Variants in PHACTR1 observed in about 807,000 individuals in gnomAD.
PHACTR1 encodes RPEL repeat containing 1.
A neutral mutation model predicts 69.2 loss-of-function variants in PHACTR1; 16 were observed. That is an observed-to-expected ratio of 0.23 (90% confidence interval 0.16 to 0.35). The LOEUF (loss-of-function observed/expected upper bound fraction) is 0.35. PHACTR1 is among the 10% of genes least tolerant of loss of function. The probability of loss-of-function intolerance (pLI) is 1.00; values close to 1 mark genes in which losing one functional copy is unlikely to be tolerated. For missense variants in PHACTR1, 510 were observed against 734.7 expected, an observed-to-expected ratio of 0.69 and a Z score of 3.54; for synonymous variants, 312 against 284.5, an observed-to-expected ratio of 1.10 and a Z score of -0.97.
intron 4 of PHACTR1, among the ~76,000 whole-genome samples, chr6:13,041,710 G>A (rs903165142): frequency 6.6e-6 from 1 of 152,182 alleles, no homozygotes; most frequent in African/African-American, 2.4e-5. Flanking sequence ...AAAATGTCCA[G>A]GAGTGTATTA....
At chr6:13,193,593 G>T (rs1763932803) in intron 7 of PHACTR1, among the ~76,000 whole-genome samples, 1 of 151,418 alleles carries the variant, frequency 6.6e-6, no homozygotes, top group South Asian at 2.1e-4. Flanking sequence ...TCTCGATGTT[G>T]CCCAGACTGA....
At chr6:12,849,337 G>C (rs554287925) in intron 4 of PHACTR1, among the ~76,000 whole-genome samples, 1 of 152,072 alleles carries the variant, frequency 6.6e-6, no homozygotes, top group East Asian at 1.9e-4. Context: ...CCAGACCTTC[G>C]TTTCCTTGTA....
At chr6:12,746,178 CAAA>C (rs1229870989) in intron 3 of PHACTR1, among the ~76,000 whole-genome samples, 1 of 152,008 alleles carries the variant, frequency 6.6e-6, no homozygotes, top group East Asian at 1.9e-4. Context: ...AGATGAAAGA[CAAA>C]GAAAGTAAAT....
rs1772630691 is a variant in PHACTR1 at position 12,793,779 on chromosome 6, T to A, written c.250+43989T>A. Among the ~76,000 whole-genome samples the A allele has an allele frequency of 2.0e-5, 3 of 152,330 alleles. No individual in the cohort carries two copies. In the South Asian group the frequency reaches 6.2e-4, roughly 32 times the overall value. ...TCAGCCTTTTGAAATAGACTCATGTTTCTGTTTTCTTTAATGAGTCATCAG... is the reference window on the plus strand; with the variant it reads ...TCAGCCTTTTGAAATAGACTCATGTATCTGTTTTCTTTAATGAGTCATCAG... On this transcript the variant is annotated intron_variant, in intron 4 of 14. Transcript: ENST00000332995.
intron 4 of PHACTR1, among the ~76,000 whole-genome samples, chr6:12,797,124 C>T (rs1218109078): frequency 6.6e-6 from 1 of 151,702 alleles, no homozygotes; most frequent in Non-Finnish European, 1.5e-5. Context: ...TGAGGCCTTC[C>T]AGGAGTAATG....
chr6:12,948,193 G>A (rs781291648), intron 4 of PHACTR1, among the ~76,000 whole-genome samples: 16 of 152,222 alleles, frequency 1.1e-4, no homozygotes, highest in Non-Finnish European at 1.9e-4. Context: ...TGAGACAGTT[G>A]AAAACACCTA....
At chr6:13,253,919 G>C (rs979827925) in intron 10 of PHACTR1, among the ~76,000 whole-genome samples, 2 of 152,210 alleles carry the variant, frequency 1.3e-5, no homozygotes, top group African/African-American at 4.8e-5. Context: ...ACTTGATTTG[G>C]GGCACACATT....
At chr6:13,077,421 C>A (rs1810688672) in intron 5 of PHACTR1, among the ~76,000 whole-genome samples, 1 of 152,058 alleles carries the variant, frequency 6.6e-6, no homozygotes, top group South Asian at 2.1e-4. Flanking sequence ...TGCAGAATGG[C>A]CAGGATTTTG....
chr6:13,011,963 T>A (rs1799497133), intron 4 of PHACTR1, among the ~76,000 whole-genome samples: 1 of 152,178 alleles, frequency 6.6e-6, no homozygotes, highest in African/African-American at 2.4e-5. Context: ...GTGACATGAA[T>A]CTGACATGAG....
At chr6:13,052,784 G>C (rs374617267) in intron 4 of PHACTR1, among the ~76,000 whole-genome samples, 1 of 152,120 alleles carries the variant, frequency 6.6e-6, no homozygotes, top group South Asian at 2.1e-4. Flanking sequence ...AATTCTAATG[G>C]AAGTGTGAGT....
intron 4 of PHACTR1, among the ~76,000 whole-genome samples, chr6:12,862,783 C>T (rs567140931): frequency 1.3e-5 from 2 of 152,218 alleles, no homozygotes; most frequent in Non-Finnish European, 2.9e-5. Context: ...TATCTCCATG[C>T]ACCTTCTACT....
intron 4 of PHACTR1, among the ~76,000 whole-genome samples, chr6:12,769,956 G>A (rs990580642): frequency 6.6e-6 from 1 of 152,204 alleles, no homozygotes; most frequent in South Asian, 2.1e-4. Context: ...AACTCAACTT[G>A]GTGGGTAAAT....
chr6:13,027,429 G>A (rs1417132199), intron 4 of PHACTR1, among the ~76,000 whole-genome samples: 1 of 152,132 alleles, frequency 6.6e-6, no homozygotes, highest in Admixed American at 6.6e-5. Context: ...GGTCTGGCTA[G>A]TCCTCGGGTC....
At chr6:13,157,120 T>C (rs1331074405) in intron 5 of PHACTR1, among the ~76,000 whole-genome samples, 2 of 152,228 alleles carry the variant, frequency 1.3e-5, no homozygotes, top group Non-Finnish European at 2.9e-5. Context: ...CTTCATCTGA[T>C]GCTGGCAGCT....
chr6:13,163,156 A>G (rs951556241), intron 6 of PHACTR1, among the ~76,000 whole-genome samples: 1 of 152,174 alleles, frequency 6.6e-6, no homozygotes, highest in Non-Finnish European at 1.5e-5. Flanking sequence ...GAGGCAGGAG[A>G]ATCACTTGAA....
intron 4 of PHACTR1, among the ~76,000 whole-genome samples, chr6:12,854,442 C>T (rs1780131672): frequency 6.6e-6 from 1 of 152,170 alleles, no homozygotes. Context: ...TCCCTTATTT[C>T]TATCAAATCA....
At chr6:12,970,745 G>A (rs1794101524) in intron 4 of PHACTR1, among the ~76,000 whole-genome samples, 1 of 152,180 alleles carries the variant, frequency 6.6e-6, no homozygotes, top group East Asian at 1.9e-4. Flanking sequence ...AACAGAGCAA[G>A]ACTCTGTCTC....
chr6:13,204,897 T>A (rs1341385581), intron 7 of PHACTR1, among the ~76,000 whole-genome samples: 2 of 152,226 alleles, frequency 1.3e-5, no homozygotes, highest in African/African-American at 4.8e-5. Context: ...TAGGGCTGGC[T>A]TTAAATCCCA....
chr6:12,744,856 C>A (rs915825588), intron 3 of PHACTR1, among the ~76,000 whole-genome samples: 1 of 152,104 alleles, frequency 6.6e-6, no homozygotes, highest in Non-Finnish European at 1.5e-5. Flanking sequence ...CAATTTTATT[C>A]TTGCCTTCCA....
Sources: allele counts gnomAD v4.1 joint callset (sites outside exome capture counted in the v4.1 genomes callset), GRCh38; gene constraint gnomAD v4.1.1; transcripts MANE v1.5; gene names NCBI Gene and HGNC (gene_info 2026-07-23, HGNC 2026-07-21).